PCCA: variants seen among roughly 807,000 people sequenced by gnomAD.
The protein encoded by PCCA is propionyl-CoA carboxylase subunit alpha.
A neutral mutation model predicts 101.3 loss-of-function variants in PCCA; 74 were observed. The observed-to-expected ratio is 0.73, with a 90% CI of 0.61 to 0.89. PCCA has a LOEUF of 0.89. Among genes scored for constraint, PCCA ranks in the 40% least tolerant of loss-of-function variants. PCCA has a pLI of 0.00. For synonymous variants in PCCA, 294 were observed against 313.6 expected (o/e 0.94, Z 0.66); for missense variants, 891 against 907.0 (o/e 0.98, Z 0.23).
At chr13:100,264,513 C>CT (rs1284830349) in intron 10 of PCCA, among the ~76,000 whole-genome samples, 1 of 152,114 alleles carries the variant, frequency 6.6e-6, no homozygotes, top group African/African-American at 2.4e-5. Flanking sequence ...GTCACGTCTT[C>CT]TTTTTCACAC....
intron 7 of PCCA, among the ~76,000 whole-genome samples, chr13:100,217,043 A>C (rs1171042156): frequency 6.6e-6 from 1 of 151,502 alleles, no homozygotes; most frequent in Non-Finnish European, 1.5e-5. Flanking sequence ...TGGGAGGTGG[A>C]GGTTGCAGTG....
At chr13:100,257,450 G>T in intron 8 of PCCA, 145 bp from the exon 9 acceptor site, 1 of 697,262 alleles carries the variant, frequency 1.4e-6, no homozygotes, top group South Asian at 1.6e-5. Context: ...TACTTTCCTG[G>T]TGTTATTTTC....
intron 18 of PCCA, among the ~76,000 whole-genome samples, chr13:100,362,076 G>A (rs1239952634): frequency 1.3e-5 from 2 of 152,058 alleles, no homozygotes; most frequent in Non-Finnish European, 2.9e-5. Context: ...AAAAAAGGAT[G>A]AACTATTCAA....
intron 14 of PCCA, among the ~76,000 whole-genome samples, chr13:100,306,539 G>A (rs182663696): frequency 1.3e-4 from 20 of 152,252 alleles, no homozygotes; most frequent in Middle Eastern, 3.4e-3. Context: ...TAACTCACTC[G>A]TTGGCTGGTT....
chr13:100,325,237 A>G (rs541838801), intron 16 of PCCA, among the ~76,000 whole-genome samples: 2 of 152,316 alleles, frequency 1.3e-5, no homozygotes, highest in South Asian at 2.1e-4. Context: ...CAGGATTACT[A>G]TAAGAAAGGC....
At chr13:100,351,586 A>G (rs973878380) in intron 18 of PCCA, among the ~76,000 whole-genome samples, 1 of 152,150 alleles carries the variant, frequency 6.6e-6, no homozygotes, top group African/African-American at 2.4e-5. Context: ...TGATTTATGC[A>G]TGTGGAGATG....
intron 17 of PCCA, among the ~76,000 whole-genome samples, chr13:100,339,467 T>C (rs552361624): frequency 1.3e-5 from 2 of 152,324 alleles, no homozygotes; most frequent in Non-Finnish European, 1.5e-5. Flanking sequence ...TGTTAACCTA[T>C]AGACCCTGGA....
chr13:100,277,938 A>G (rs1268884790), intron 12 of PCCA, among the ~76,000 whole-genome samples: 2 of 152,202 alleles, frequency 1.3e-5, no homozygotes, highest in South Asian at 2.1e-4. Flanking sequence ...TTCCTTAAGT[A>G]TGGCAAAAGT....
intron 16 of PCCA, among the ~76,000 whole-genome samples, chr13:100,321,095 G>A (rs2067987360): frequency 6.6e-6 from 1 of 152,046 alleles, no homozygotes; most frequent in Non-Finnish European, 1.5e-5. Flanking sequence ...TCATCTTTCT[G>A]TTTTCCTTCC....
chr13:100,099,000 A>C (rs1447650393), intron 1 of PCCA, among the ~76,000 whole-genome samples: 1 of 152,204 alleles, frequency 6.6e-6, no homozygotes, highest in Non-Finnish European at 1.5e-5. Context: ...TTCACCTGGA[A>C]TTTTAGAGAT....
chr13:100,217,835 A>G (rs2059603445), intron 7 of PCCA, among the ~76,000 whole-genome samples: 1 of 150,626 alleles, frequency 6.6e-6, no homozygotes, highest in African/African-American at 2.4e-5. Flanking sequence ...TTGTATGAAT[A>G]TACCACTTAA....
At chr13:100,268,350 C>T (rs919391841) in intron 10 of PCCA, among the ~76,000 whole-genome samples, 1 of 152,176 alleles carries the variant, frequency 6.6e-6, no homozygotes, top group African/African-American at 2.4e-5. Flanking sequence ...CGGTGGCACT[C>T]CTCAGCAACA....
chr13:100,209,181 T>C lies in PCCA; in HGVS notation c.469-151T>C, dbSNP rs374579175. 718 of 654,516 alleles carry C rather than the reference T, an allele frequency of 1.1e-3. 8 individuals are homozygous for C. The highest frequency in any genetic ancestry group is 9.9e-3 in the Middle Eastern group (38 of 3,856). The allele number at this position is 654,516 out of a possible 1,614,324, so 40.5% of individuals were successfully genotyped here. A position where few individuals can be genotyped will look rare whatever the true frequency, so the allele number is the denominator to read the frequency against. The stretch of plus-strand genomic sequence containing the variant: ...ATCCACACATGTACTATATGCAATA[T>C]AGTATTTTAATGTGTTGGCTCAAAA... On this transcript the variant is annotated intron_variant, in intron 6 of 23. Coordinates refer to ENST00000376285, the MANE Select transcript of PCCA (RefSeq NM_000282.4).
intron 20 of PCCA, among the ~76,000 whole-genome samples, chr13:100,446,295 G>T (rs2080828277): frequency 6.6e-6 from 1 of 152,260 alleles, no homozygotes; most frequent in East Asian, 1.9e-4. Context: ...CTCCCAAAGT[G>T]CTGGGATTAC....
chr13:100,163,193 T>A (rs147485326), intron 6 of PCCA, among the ~76,000 whole-genome samples: 106 of 152,284 alleles, frequency 7.0e-4, no homozygotes, highest in African/African-American at 2.4e-3. Context: ...AAGTCTGGGA[T>A]TTGATGAGGC....
rs1469322019 is a variant in PCCA, at chr13:100,452,048, T to C, written c.1899+2743T>C. ...CTCTCCCTCTCTCCTTTCCTCCTCT[T>C]CCTCTCTCCTCTTCCTCCTCTCCCT... On this transcript the variant is annotated intron_variant, in intron 21 of 23. Transcript: ENST00000376285. Among the ~76,000 whole-genome samples, 112 of 28,856 alleles carry C rather than the reference T, an allele frequency of 3.9e-3. 4 individuals carry two copies. The highest frequency in any genetic ancestry group is 0.01 in the African/African-American group (84 of 8,036). 18.9% of individuals were successfully genotyped at this position (28,856 alleles called of 152,430 possible).
intron 20 of PCCA, among the ~76,000 whole-genome samples, chr13:100,441,989 C>CTT (rs776208311): frequency 0.011 from 1,457 of 128,512 alleles, 15 homozygotes; most frequent in African/African-American, 0.033. Context: ...TTCCTTTTTT[C>CTT]TTTTTTTTTT....
chr13:100,420,632 A>T (rs890396824), intron 19 of PCCA, among the ~76,000 whole-genome samples: 2 of 152,174 alleles, frequency 1.3e-5, no homozygotes, highest in African/African-American at 4.8e-5. Flanking sequence ...AGGGCTTTGT[A>T]ACCACAGAAT....
chr13:100,328,371 T>TATTATAATAATA (rs1347723645), intron 16 of PCCA, among the ~76,000 whole-genome samples: 1 of 141,882 alleles, frequency 7.0e-6, no homozygotes, highest in African/African-American at 2.6e-5. Context: ...TCAAAAAATA[T>TATTATAATAATA]ATAATAATAA....
Sources: allele counts gnomAD v4.1 joint callset (sites outside exome capture counted in the v4.1 genomes callset), GRCh38; gene constraint gnomAD v4.1.1; transcripts MANE v1.5; gene names NCBI Gene and HGNC (gene_info 2026-07-23, HGNC 2026-07-21).